ITSN2: variants seen among roughly 807,000 people sequenced by gnomAD.
The protein encoded by ITSN2 is intersectin-2.
In ITSN2, 156 loss-of-function variants were observed where a neutral mutation model predicts 243.7. The observed-to-expected ratio is 0.64, with a 90% CI of 0.56 to 0.73. The LOEUF (loss-of-function observed/expected upper bound fraction) is 0.73, where lower values mean the gene tolerates loss of function less well. Among genes scored for constraint, ITSN2 ranks in the 30% least tolerant of loss-of-function variants. ITSN2 has a pLI of 0.00. For missense variants in ITSN2, 1,801 were observed against 1,996.1 expected (o/e 0.90, Z 1.86); for synonymous variants, 703 against 699.9 (o/e 1.00, Z -0.07).
chr2:24,211,719 ACTCTT>A lies in ITSN2; in HGVS notation c.4090-777_4090-773del, dbSNP rs1669512306. On this transcript the variant is annotated intron_variant, in intron 33 of 39. Coordinates refer to ENST00000355123, the MANE Select transcript of ITSN2 (RefSeq NM_006277.3). The surrounding 1 kb of genome is among the most constrained non-coding windows in gnomAD (Gnocchi z 4.1). ...CTAAACAGAAGAGATATATTTACTT[ACTCTT>A]ACAGTGATTGTTCTTATGTTCCACT... is the stretch of plus-strand genomic sequence containing the variant. Among the ~76,000 whole-genome samples the A allele has an allele frequency of 6.6e-6, 1 of 152,056 alleles. No homozygotes were observed. The highest frequency in any genetic ancestry group is 1.5e-5 in the Non-Finnish European group (1 of 68,020).
intron 24 of ITSN2, among the ~76,000 whole-genome samples, chr2:24,253,204 T>C (rs771962331): frequency 6.6e-6 from 1 of 152,258 alleles, no homozygotes; most frequent in African/African-American, 2.4e-5. Context: ...TCTAGTTTTA[T>C]TTATATTTGG....
At chr2:24,311,070 C>A (rs1683204675) in intron 5 of ITSN2, among the ~76,000 whole-genome samples, 1 of 151,954 alleles carries the variant, frequency 6.6e-6, no homozygotes, top group South Asian at 2.1e-4. Flanking sequence ...AATACACACA[C>A]ACACACACAC....
intron 13 of ITSN2, among the ~76,000 whole-genome samples, chr2:24,298,044 G>C (rs1314120197): frequency 6.6e-6 from 1 of 151,448 alleles, no homozygotes; most frequent in Non-Finnish European, 1.5e-5. Flanking sequence ...GAGTGCAGTG[G>C]TGCGATCTTG....
intron 29 of ITSN2, among the ~76,000 whole-genome samples, chr2:24,234,243 A>G (rs1671894514): frequency 6.6e-6 from 1 of 151,834 alleles, no homozygotes; most frequent in Non-Finnish European, 1.5e-5. Context: ...ACTCTTTTCA[A>G]CAAATGATGC....
At chr2:24,224,877 A>G (rs546039803) in intron 29 of ITSN2, among the ~76,000 whole-genome samples, 1 of 152,290 alleles carries the variant, frequency 6.6e-6, no homozygotes, top group South Asian at 2.1e-4. Context: ...TGCTCTGCCC[A>G]TCTCGGCCTC....
rs182145908 is a variant in ITSN2 at position 24,305,624 on chromosome 2, T to C, written c.794-1762A>G. Among the ~76,000 whole-genome samples the C allele has an allele frequency of 9.0e-4, 135 of 150,364 alleles. 1 individual carries two copies. Among genetic ancestry groups the C allele is most frequent in the Middle Eastern group, 3.4e-3 (1 of 292 alleles). On this transcript the variant is annotated intron_variant, in intron 8 of 39. Transcript: ENST00000355123. ...AAAGGATCACCAACTCCTACACTTATTGAACAAAACAAACATATAAGTCCA... is the reference window on the plus strand; with the variant it reads ...AAAGGATCACCAACTCCTACACTTACTGAACAAAACAAACATATAAGTCCA...
chr2:24,204,119 G>A lies in ITSN2; in HGVS notation c.4936+126C>T. ...CACCCACCTGCTGCCAAAGCGAGAT[G>A]ACACAGGCCTGTGTCACTTCCCTGA... On this transcript the variant is annotated intron_variant, in intron 39 of 39. Coordinates refer to ENST00000355123, the MANE Select transcript of ITSN2 (RefSeq NM_006277.3). This position sits in a 1 kb window ranked among gnomAD's most constrained non-coding sequence, Gnocchi z 5.1. 1 of 940,628 alleles carries A rather than the reference G, an allele frequency of 1.1e-6. No individual in the cohort carries two copies. The highest frequency in any genetic ancestry group is 2.4e-5 in the Admixed American group (1 of 41,368). 58.3% of individuals were successfully genotyped at this position (940,628 alleles called of 1,614,324 possible).
chr2:24,254,358 A>C lies in ITSN2; in HGVS notation c.2953+9T>G, dbSNP rs759867490. The stretch of plus-strand genomic sequence containing the variant: ...TTACCATCTAATTTACAAATTGCCA[A>C]AAGCTTACCTTCTCCAACTGAATAG... On this transcript the variant is annotated intron_variant, in intron 24 of 39. Transcript: ENST00000355123. 5 of 1,605,188 alleles carry C rather than the reference A, an allele frequency of 3.1e-6. No homozygotes were observed. Among genetic ancestry groups the C allele is most frequent in the Non-Finnish European group, 2.6e-6 (3 of 1,172,226 alleles).
chr2:24,250,821 T>C (rs979409635), intron 25 of ITSN2, among the ~76,000 whole-genome samples: 6 of 151,952 alleles, frequency 3.9e-5, no homozygotes, highest in African/African-American at 1.5e-4. Flanking sequence ...AATTTTTTTA[T>C]ACTTCAACCG....
At chr2:24,312,459 A>T (rs1363615013) in intron 4 of ITSN2, 84 bp from the exon 5 acceptor site, 1 of 985,194 alleles carries the variant, frequency 1.0e-6, no homozygotes, top group East Asian at 2.6e-5. Flanking sequence ...ACAAAGTAAA[A>T]ATGATGATAT....
Position 24,310,576 on chromosome 2 carries a change from G to C in ITSN2, c.469C>G (p.Pro157Ala), listed in dbSNP as rs1019922996. 6.2e-7 allele frequency: 1 copy of C among 1,614,170 alleles called. No individual in the cohort carries two copies. The highest frequency in any genetic ancestry group is 8.5e-7 in the Non-Finnish European group (1 of 1,180,006). Reference sequence around the variant, plus strand: ...GATGTGCTAACAGAAGGCACTAGGGGAGTGGGCATCATTAAGGGAGGAAGG... The same window carrying C: ...GATGTGCTAACAGAAGGCACTAGGGCAGTGGGCATCATTAAGGGAGGAAGG... The part of the protein sequence containing the change: ...TNLPPLMMPT[P>A]LVPSVSTSSL... Residue 157 changes from proline (P) to alanine (A), a missense_variant, in exon 6 of 40, where the codon CCC becomes GCC. This residue lies in a region of ITSN2 where 787 missense variants were observed against 803.9 expected (regional missense o/e 0.98). Coordinates refer to ENST00000355123, the MANE Select transcript of ITSN2 (RefSeq NM_006277.3).
intron 17 of ITSN2, among the ~76,000 whole-genome samples, chr2:24,278,645 CTTTTTTTTTTT>C (rs908928502): frequency 8.7e-5 from 9 of 103,008 alleles, no homozygotes; most frequent in South Asian, 6.3e-4. Flanking sequence ...TGTTCTCAAT[CTTTTTTTTTTT>C]TTTTTTTTTT....
In ITSN2 at chr2:24,308,769, T is replaced by G. The variant is rs748272272; in HGVS notation, c.654-13A>C. The G allele has an allele frequency of 2.2e-5, 29 of 1,327,096 alleles. No individual in the cohort carries two copies. Among genetic ancestry groups the G allele is most frequent in the Middle Eastern group, 2.7e-4 (1 of 3,644 alleles). 82.2% of individuals were successfully genotyped at this position (1,327,096 alleles called of 1,614,324 possible). On this transcript the variant is annotated splice_polypyrimidine_tract_variant and intron_variant, in intron 7 of 39. Coordinates refer to ENST00000355123, the MANE Select transcript of ITSN2 (RefSeq NM_006277.3). ...CGAGGAAGTTGAGCTATAAAAAAAT[T>G]TATTTAAAATTTTTATGTTACTAAA...
At chr2:24,214,033 G>A (rs1189594961) in intron 32 of ITSN2, among the ~76,000 whole-genome samples, 2 of 152,200 alleles carry the variant, frequency 1.3e-5, no homozygotes, top group Non-Finnish European at 2.9e-5. Flanking sequence ...GGGACTGAAG[G>A]CACCCACATG....
chr2:24,275,868 T>A lies in ITSN2; in HGVS notation c.1945-19A>T, dbSNP rs1445074466. 3 of 1,571,270 alleles carry A rather than the reference T, an allele frequency of 1.9e-6. No homozygotes were observed. The highest frequency in any genetic ancestry group is 2.6e-6 in the Non-Finnish European group (3 of 1,156,748). The stretch of plus-strand genomic sequence containing the variant: ...TCAGTTCCTAAGGAGAAAAAGAAAA[T>A]AAGTCAATACGTGAATGATTTAAAT... On this transcript the variant is annotated intron_variant, in intron 17 of 39. Coordinates refer to ENST00000355123, the MANE Select transcript of ITSN2 (RefSeq NM_006277.3).
chr2:24,204,208 G>A lies in ITSN2; in HGVS notation c.4936+37C>T. ...CTGGACTCCAGGATCTAGGAAACTG[G>A]GAAAGCCTTTAGATCCCCTGGCTGA... On this transcript the variant is annotated intron_variant, in intron 39 of 39. Coordinates refer to ENST00000355123, the MANE Select transcript of ITSN2 (RefSeq NM_006277.3). This position sits in a 1 kb window ranked among gnomAD's most constrained non-coding sequence, Gnocchi z 5.1. 1 of 1,608,724 alleles carries A rather than the reference G, an allele frequency of 6.2e-7. No homozygotes were observed. The highest frequency in any genetic ancestry group is 8.5e-7 in the Non-Finnish European group (1 of 1,176,488).
At chr2:24,331,322 C>T (rs1321223403) in intron 1 of ITSN2, among the ~76,000 whole-genome samples, 1 of 151,948 alleles carries the variant, frequency 6.6e-6, no homozygotes, top group Non-Finnish European at 1.5e-5. Flanking sequence ...ATCCACCTGC[C>T]TCAGCCTCCC....
intron 15 of ITSN2, chr2:24,293,401 A>G: frequency 5.0e-6 from 1 of 200,090 alleles, no homozygotes; most frequent in East Asian, 1.5e-4. Context: ...CCAAATTTAT[A>G]TCTTATAGTC....
intron 19 of ITSN2, 38 bp downstream of exon 19, chr2:24,271,728 G>T (rs1266157225): frequency 7.6e-6 from 11 of 1,441,678 alleles, no homozygotes; most frequent in South Asian, 1.7e-5. Context: ...TTTTCTTGTT[G>T]CATTTGTTCT....
Sources: gnomAD v4.1 joint callset for allele counts (sites outside exome capture counted in the v4.1 genomes callset) on GRCh38, gnomAD v4.1.1 for gene constraint, gnomAD v4.1.1 regional missense constraint, Gnocchi (gnomAD v3.1) non-coding constraint, MANE v1.5 for transcripts, NCBI Gene and HGNC (gene_info 2026-07-23, HGNC 2026-07-21) for gene names.